DLGAP1: variants seen among roughly 807,000 people sequenced by gnomAD.
DLGAP1 encodes DLG associated protein 1.
DLGAP1 carries 11 observed loss-of-function variants against 90.8 expected under a neutral mutation model. The ratio of observed to expected loss-of-function variants is 0.12; its 90% confidence interval spans 0.08 to 0.20. DLGAP1 has a LOEUF of 0.20. DLGAP1 is among the 10% of genes least tolerant of loss of function. The pLI, the probability that DLGAP1 is intolerant of heterozygous loss-of-function variation, is 1.00. For missense variants in DLGAP1, 1,050 were observed against 1,333.8 expected, an observed-to-expected ratio of 0.79 and a Z score of 3.31; for synonymous variants, 558 against 540.7, an observed-to-expected ratio of 1.03 and a Z score of -0.44.
intron 1 of DLGAP1, among the ~76,000 whole-genome samples, chr18:4,362,519 G>C (rs1567862055): frequency 6.6e-6 from 1 of 152,184 alleles, no homozygotes; most frequent in African/African-American, 2.4e-5. Flanking sequence ...GATGTACTTA[G>C]CGTATTCAAA....
At chr18:3,647,552 G>A (rs996274430) in intron 7 of DLGAP1, among the ~76,000 whole-genome samples, 5 of 150,742 alleles carry the variant, frequency 3.3e-5, no homozygotes, top group African/African-American at 4.9e-5. Flanking sequence ...TGCAACCTCC[G>A]CTTCTGGGGT....
In DLGAP1 at chr18:3,534,216, C is replaced by T; in HGVS notation, c.2457G>A (p.Arg819=). 2.6e-5 allele frequency: 42 copies of T among 1,613,842 alleles called. No individual in the cohort carries two copies. The highest frequency in any genetic ancestry group is 3.5e-5 in the Non-Finnish European group (41 of 1,179,818). The change falls in exon 10 of 13, where the codon CGG becomes CGA. Residue 819 remains arginine, a synonymous_variant. Coordinates refer to ENST00000315677, the MANE Select transcript of DLGAP1 (RefSeq NM_004746.4). ...GWCQQMEREE[R]ENNLPEDILG... ...TACTGTCTTCGGGCAGGTTGTTTTC[C>T]CGTTCTTCCCGCTCCATCTGTTGAC...
intron 3 of DLGAP1, among the ~76,000 whole-genome samples, chr18:3,921,315 A>G (rs2072264705): frequency 6.6e-6 from 1 of 152,228 alleles, no homozygotes; most frequent in African/African-American, 2.4e-5. Context: ...TTTGAGAAAA[A>G]AAATAAATGG....
At chr18:4,011,491 G>C (rs1209803592) in intron 2 of DLGAP1, among the ~76,000 whole-genome samples, 1 of 152,034 alleles carries the variant, frequency 6.6e-6, no homozygotes, top group Non-Finnish European at 1.5e-5. Flanking sequence ...GATGGACAGA[G>C]TATAGAATGT....
intron 1 of DLGAP1, among the ~76,000 whole-genome samples, chr18:4,373,941 C>T (rs747564730): frequency 6.1e-5 from 9 of 148,672 alleles, no homozygotes; most frequent in African/African-American, 2.0e-4. Context: ...TTGGAGTCAC[C>T]GAAAAAAAAG....
chr18:3,829,734 A>G (rs889256262), intron 4 of DLGAP1, among the ~76,000 whole-genome samples: 2 of 152,290 alleles, frequency 1.3e-5, no homozygotes, highest in Admixed American at 6.5e-5. Flanking sequence ...GCCCATCCAC[A>G]TTATGGAGGG....
Position 4,023,298 on chromosome 18 carries a change from T to C in DLGAP1, c.-158-18097A>G, listed in dbSNP as rs186517500. ...TTCTCCTTTCTTTTCTTTTTAAAAA[T>C]GTACCATATGGACAGTCTTTTTAAA... is the stretch of plus-strand genomic sequence containing the variant. On this transcript the variant is annotated intron_variant, in intron 2 of 12. Transcript: ENST00000315677. Among the ~76,000 whole-genome samples the C allele has an allele frequency of 2.4e-3, 367 of 152,292 alleles. 3 individuals carry two copies. Among genetic ancestry groups the C allele is most frequent in the African/African-American group, 8.1e-3 (337 of 41,570 alleles).
At chr18:3,895,316 C>CACACACACACAT (rs1332638457) in intron 3 of DLGAP1, among the ~76,000 whole-genome samples, 3 of 147,930 alleles carry the variant, frequency 2.0e-5, no homozygotes, top group African/African-American at 7.8e-5. Flanking sequence ...CACACACACA[C>CACACACACACAT]ACACATCATC....
chr18:3,994,985 T>C (rs1254419802), intron 3 of DLGAP1, among the ~76,000 whole-genome samples: 1 of 152,218 alleles, frequency 6.6e-6, no homozygotes, highest in Non-Finnish European at 1.5e-5. Flanking sequence ...GGTGTAAATG[T>C]TTACCTCATC....
intron 7 of DLGAP1, among the ~76,000 whole-genome samples, chr18:3,626,248 G>A (rs62083196): frequency 0.38 from 57,043 of 149,618 alleles, 11,622 homozygotes; most frequent in East Asian, 0.52. Flanking sequence ...TAGTGATCGC[G>A]CCAGTGCACT....
chr18:3,969,428 G>C (rs1456696279), intron 3 of DLGAP1, among the ~76,000 whole-genome samples: 1 of 152,182 alleles, frequency 6.6e-6, no homozygotes. Context: ...CGTTGACTGA[G>C]TGTATTACAC....
chr18:3,836,474 AT>A (rs1276279550), intron 4 of DLGAP1, among the ~76,000 whole-genome samples: 2 of 151,988 alleles, frequency 1.3e-5, no homozygotes, highest in South Asian at 2.1e-4. Context: ...ATGGGATTAG[AT>A]TTTTTTTCTT....
At chr18:4,193,290 TTA>T (rs1448118814) in intron 1 of DLGAP1, among the ~76,000 whole-genome samples, 1 of 152,232 alleles carries the variant, frequency 6.6e-6, no homozygotes, top group African/African-American at 2.4e-5. Context: ...ATCTCATTTT[TTA>T]TATGTTTACC....
chr18:4,182,061 G>T (rs2077218761), intron 1 of DLGAP1, among the ~76,000 whole-genome samples: 1 of 152,148 alleles, frequency 6.6e-6, no homozygotes, highest in African/African-American at 2.4e-5. Flanking sequence ...TCCAAAGCAG[G>T]AGTCGGGAAA....
At chr18:3,786,036 T>C (rs1160246103) in intron 5 of DLGAP1, among the ~76,000 whole-genome samples, 1 of 152,162 alleles carries the variant, frequency 6.6e-6, no homozygotes, top group African/African-American at 2.4e-5. Context: ...CTTCCTTCTC[T>C]CTCCAACTCT....
intron 7 of DLGAP1, among the ~76,000 whole-genome samples, chr18:3,671,019 G>C (rs1181665503): frequency 1.3e-5 from 2 of 152,180 alleles, no homozygotes; most frequent in Admixed American, 1.3e-4. Context: ...TGGGCTACCT[G>C]AGCCAGTATT....
chr18:4,166,431 T>C (rs1030804543), intron 1 of DLGAP1, among the ~76,000 whole-genome samples: 1 of 152,144 alleles, frequency 6.6e-6, no homozygotes, highest in Non-Finnish European at 1.5e-5. Flanking sequence ...CTGGTGGGAA[T>C]GTAAAATAGT....
intron 5 of DLGAP1, among the ~76,000 whole-genome samples, chr18:3,761,697 T>G (rs1325668153): frequency 6.6e-6 from 1 of 151,992 alleles, no homozygotes; most frequent in African/African-American, 2.4e-5. Context: ...TGCTTCAGCC[T>G]CCTGAGTAGC....
chr18:3,975,581 T>C (rs1169845281), intron 3 of DLGAP1, among the ~76,000 whole-genome samples: 2 of 152,110 alleles, frequency 1.3e-5, no homozygotes, highest in Non-Finnish European at 2.9e-5. Flanking sequence ...GGGTATATAC[T>C]GCAAAAAATA....
Sources: allele counts gnomAD v4.1 joint callset (sites outside exome capture counted in the v4.1 genomes callset), GRCh38; gene constraint gnomAD v4.1.1; transcripts MANE v1.5; gene names NCBI Gene and HGNC (gene_info 2026-07-23, HGNC 2026-07-21).